Variants in CNTN4 observed in about 807,000 individuals in gnomAD.
CNTN4 encodes the protein contactin 4.
CNTN4 carries 77 observed loss-of-function variants against 122.5 expected under a neutral mutation model. The observed-to-expected ratio is 0.63, with a 90% CI of 0.52 to 0.76. The LOEUF (loss-of-function observed/expected upper bound fraction) is 0.76, where lower values mean the gene tolerates loss of function less well. Ranked by LOEUF, CNTN4 falls within the 30% of genes least tolerant of loss-of-function variation. The pLI, the probability that CNTN4 is intolerant of heterozygous loss-of-function variation, is 0.00. For synonymous variants in CNTN4, 512 were observed against 447.0 expected, an observed-to-expected ratio of 1.15 and a Z score of -1.83; for missense variants, 1,256 against 1,259.1, an observed-to-expected ratio of 1.00 and a Z score of 0.04.
At chr3:2,431,072 A>G (rs1214191553) in intron 3 of CNTN4, among the ~76,000 whole-genome samples, 1 of 152,232 alleles carries the variant, frequency 6.6e-6, no homozygotes, top group African/African-American at 2.4e-5. Context: ...TCTATCATTT[A>G]AAAACTTTAA....
chr3:2,276,787 G>A (rs1263108789), intron 2 of CNTN4, among the ~76,000 whole-genome samples: 2 of 152,044 alleles, frequency 1.3e-5, no homozygotes, highest in Non-Finnish European at 2.9e-5. Flanking sequence ...GTGGTGGCGC[G>A]TGCTTGTGAT....
At chr3:2,239,054 A>G (rs1204589434) in intron 2 of CNTN4, 1 of 151,820 alleles carries the variant, frequency 6.6e-6, no homozygotes, top group African/African-American at 2.4e-5. Flanking sequence ...AAAATTCTCA[A>G]TCGTCGTCTT....
At chr3:2,677,141 A>ATAGAT (rs2084895578) in intron 4 of CNTN4, among the ~76,000 whole-genome samples, 1 of 149,544 alleles carries the variant, frequency 6.7e-6, no homozygotes, top group Non-Finnish European at 1.5e-5. Context: ...AGATAGATAG[A>ATAGAT]TAGATAGATA....
At chr3:2,618,243 G>T (rs55764817) in intron 4 of CNTN4, among the ~76,000 whole-genome samples, 6 of 151,120 alleles carry the variant, frequency 4.0e-5, no homozygotes, top group African/African-American at 4.8e-5. Context: ...TTAAATGTGG[G>T]TATATATATA....
At chr3:2,750,113 A>T (rs1013178122) in intron 6 of CNTN4, among the ~76,000 whole-genome samples, 1 of 152,212 alleles carries the variant, frequency 6.6e-6, no homozygotes, top group African/African-American at 2.4e-5. Context: ...AGATTAGAGT[A>T]ACGGAATTAC....
At chr3:2,470,085 A>G (rs573050117) in intron 3 of CNTN4, among the ~76,000 whole-genome samples, 4 of 145,188 alleles carry the variant, frequency 2.8e-5, no homozygotes, top group African/African-American at 1.0e-4. Flanking sequence ...TTTTTTTTGG[A>G]GACAGGGTCT....
intron 4 of CNTN4, among the ~76,000 whole-genome samples, chr3:2,606,115 A>G (rs1297334181): frequency 1.3e-5 from 2 of 152,134 alleles, no homozygotes; most frequent in African/African-American, 4.8e-5. Context: ...AAGATATGTC[A>G]TTGCAGTTTA....
chr3:2,257,237 G>A (rs961189502), intron 2 of CNTN4, among the ~76,000 whole-genome samples: 1 of 152,012 alleles, frequency 6.6e-6, no homozygotes, highest in African/African-American at 2.4e-5. Context: ...GCTAGCCATA[G>A]GCAGAAAACT....
At chr3:3,006,257 A>G (rs1478524128) in intron 14 of CNTN4, among the ~76,000 whole-genome samples, 1 of 152,130 alleles carries the variant, frequency 6.6e-6, no homozygotes. Flanking sequence ...TGTCACCCTC[A>G]TGGGAACATA....
At chr3:2,907,333 G>A (rs1335486794) in intron 12 of CNTN4, among the ~76,000 whole-genome samples, 3 of 152,172 alleles carry the variant, frequency 2.0e-5, no homozygotes, top group Non-Finnish European at 4.4e-5. Flanking sequence ...AGCACTTTGG[G>A]AAGTCAAGGT....
At chr3:2,438,064 T>C (rs527658730) in intron 3 of CNTN4, among the ~76,000 whole-genome samples, 1 of 152,292 alleles carries the variant, frequency 6.6e-6, no homozygotes, top group East Asian at 1.9e-4. Context: ...TTCTAATTTT[T>C]TAATTCCACT....
intron 6 of CNTN4, among the ~76,000 whole-genome samples, chr3:2,762,936 G>A (rs1333629957): frequency 7.5e-6 from 1 of 133,556 alleles, no homozygotes; most frequent in African/African-American, 2.7e-5. Context: ...GTGATGTCAA[G>A]CTTTTTTTTT....
At chr3:2,459,152 G>GATCTGCCCC (rs2049109219) in intron 3 of CNTN4, among the ~76,000 whole-genome samples, 1 of 152,098 alleles carries the variant, frequency 6.6e-6, no homozygotes, top group Non-Finnish European at 1.5e-5. Flanking sequence ...CCTAAATGAT[G>GATCTGCCCC]ATCTGCCCCA....
At chr3:2,567,925 T>C (rs1366488779) in intron 3 of CNTN4, among the ~76,000 whole-genome samples, 5 of 152,160 alleles carry the variant, frequency 3.3e-5, no homozygotes, top group Admixed American at 2.6e-4. Flanking sequence ...TTAATAAACT[T>C]ACTGCACACA....
chr3:2,301,572 G>C (rs1339484860), intron 2 of CNTN4, among the ~76,000 whole-genome samples: 1 of 152,146 alleles, frequency 6.6e-6, no homozygotes, highest in Non-Finnish European at 1.5e-5. Flanking sequence ...GTTTTTAACA[G>C]CTTCACCATA....
At chr3:2,886,158 C>G (rs2151005915) in intron 9 of CNTN4, among the ~76,000 whole-genome samples, 1 of 152,234 alleles carries the variant, frequency 6.6e-6, no homozygotes, top group East Asian at 1.9e-4. Context: ...TAATTTGCCA[C>G]AAATGCACAT....
chr3:2,512,610 C>T (rs1162929574), intron 3 of CNTN4, among the ~76,000 whole-genome samples: 2 of 152,104 alleles, frequency 1.3e-5, no homozygotes, highest in Non-Finnish European at 2.9e-5. Flanking sequence ...ATAAATCACA[C>T]CTGTCTTTTT....
chr3:2,693,473 TG>T (rs2085852445), intron 4 of CNTN4, among the ~76,000 whole-genome samples: 1 of 152,124 alleles, frequency 6.6e-6, no homozygotes, highest in African/African-American at 2.4e-5. Context: ...AGCATATAGA[TG>T]GTGACAAAAA....
chr3:3,033,671 G>C (rs1699370460), intron 16 of CNTN4, among the ~76,000 whole-genome samples: 1 of 152,192 alleles, frequency 6.6e-6, no homozygotes, highest in Non-Finnish European at 1.5e-5. Flanking sequence ...CTTCCCTCCT[G>C]AGGTGGTCAA....
Sources: gnomAD v4.1 joint callset for allele counts (sites outside exome capture counted in the v4.1 genomes callset) on GRCh38, gnomAD v4.1.1 for gene constraint, MANE v1.5 for transcripts, NCBI Gene and HGNC (gene_info 2026-07-23, HGNC 2026-07-21) for gene names.